Variants in FLCN observed in about 807,000 individuals in gnomAD.
The protein encoded by FLCN is folliculin.
Under a neutral mutation model 62.5 loss-of-function variants are expected in FLCN, and 22 were observed. The ratio of observed to expected loss-of-function variants is 0.35; its 90% CI spans 0.25 to 0.50. The LOEUF (loss-of-function observed/expected upper bound fraction) is 0.50, where lower values mean the gene tolerates loss of function less well. Among genes scored for constraint, FLCN ranks in the 20% least tolerant of loss-of-function variants. The pLI is 0.97. For synonymous variants in FLCN, 319 were observed against 310.0 expected (o/e 1.03, Z -0.30); for missense variants, 657 against 778.0 (o/e 0.84, Z 1.85).
At chr17:17,218,386 CT>C (rs11464784) in intron 9 of FLCN, among the ~76,000 whole-genome samples, 12,989 of 129,734 alleles carry the variant, frequency 0.1, 680 homozygotes, top group African/African-American at 0.21. Context: ...CCATCACTTT[CT>C]TTTTTTTTTT....
At chr17:17,234,981 G>A (rs537187777) in intron 1 of FLCN, among the ~76,000 whole-genome samples, 4 of 152,170 alleles carry the variant, frequency 2.6e-5, no homozygotes, top group Admixed American at 6.5e-5. Context: ...GCATGGTGGC[G>A]GGGGCCTGTA....
intron 4 of FLCN, among the ~76,000 whole-genome samples, chr17:17,227,500 G>C (rs563210277): frequency 1.3e-5 from 2 of 152,276 alleles, no homozygotes; most frequent in South Asian, 4.1e-4. Flanking sequence ...GATCACCTGA[G>C]GTCACGAGTT....
intron 6 of FLCN, among the ~76,000 whole-genome samples, chr17:17,223,471 G>A (rs2047155168): frequency 6.6e-6 from 1 of 152,218 alleles, no homozygotes; most frequent in South Asian, 2.1e-4. Flanking sequence ...CTCCTGCAAT[G>A]CACACACCAT....
At chr17:17,221,744 G>A (rs2047097769) in intron 7 of FLCN, 116 bp from the exon 8 acceptor site, 6 of 1,128,830 alleles carry the variant, frequency 5.3e-6, no homozygotes, top group Non-Finnish European at 7.7e-6. Flanking sequence ...AAGAACACCA[G>A]CAGGGCACAA....
At chr17:17,229,955 T>G (rs1271337476) in intron 3 of FLCN, among the ~76,000 whole-genome samples, 1 of 152,188 alleles carries the variant, frequency 6.6e-6, no homozygotes, top group Non-Finnish European at 1.5e-5. Context: ...CAAGCACTCA[T>G]TGCAGAGGGA....
intron 5 of FLCN, 31 bp downstream of exon 5, chr17:17,226,145 C>T (rs754877513): frequency 8.7e-6 from 14 of 1,613,768 alleles, no homozygotes; most frequent in South Asian, 4.4e-5. Context: ...TGGGCTCCCA[C>T]AGAGACAGGC....
Position 17,227,915 on chromosome 17 carries a change from C to T in FLCN, c.223G>A (p.Gly75Arg), listed in dbSNP as rs1597617348. The T allele has an allele frequency of 7.4e-6, 12 of 1,614,162 alleles. No individual in the cohort carries two copies. The highest frequency in any genetic ancestry group is 1.0e-5 in the Non-Finnish European group (12 of 1,180,030). ...EGASVESSSP[G>R]PKKSDMCEGC... is the part of the protein sequence containing the mutation. ...TCGCACATGTCCGACTTTTTGGGCC[C>T]CGGGCTGCTGGACTCGACGCTGGCC... The change falls in exon 4 of 14, where the codon GGG becomes AGG. Residue 75 changes from glycine to arginine, a missense_variant. Coordinates refer to ENST00000285071, the MANE Select transcript of FLCN (RefSeq NM_144997.7).
chr17:17,221,084 C>T, intron 8 of FLCN: 1 of 1,198,256 alleles, frequency 8.3e-7, no homozygotes, highest in Non-Finnish European at 1.1e-6. Flanking sequence ...AACACAGGGC[C>T]CCAAGCCCCA....
chr17:17,217,227 GTT>G lies in FLCN; in HGVS notation c.1063-47_1063-46del, dbSNP rs760909120. 6.2e-6 allele frequency: 8 copies of G among 1,292,836 alleles called. No homozygotes were observed. In the African/African-American group the frequency reaches 1.2e-4, roughly 19 times the overall value. 80.1% of individuals were successfully genotyped at this position (1,292,836 alleles called of 1,614,324 possible). A position where few individuals can be genotyped will look rare whatever the true frequency, so the allele number is the denominator to read the frequency against. Reference sequence around the variant, plus strand: ...GCTTTCAGCGTGACTAGTAGAAATGGTTTTTCTCTCCCTTCCCATGAAGTTAT... The same window carrying G: ...GCTTTCAGCGTGACTAGTAGAAATGGTTTCTCTCCCTTCCCATGAAGTTAT... On this transcript the variant is annotated intron_variant, in intron 9 of 13. Transcript: ENST00000285071.
chr17:17,221,334 G>A (rs2047077842), intron 8 of FLCN: 1 of 1,563,844 alleles, frequency 6.4e-7, no homozygotes. Context: ...TCTTTCACAT[G>A]GCGGTCAAGG....
In FLCN at chr17:17,222,522, C is replaced by T. The variant is rs779849453; in HGVS notation, c.758G>A (p.Cys253Tyr). The T allele has an allele frequency of 3.1e-6, 5 of 1,614,132 alleles. No homozygotes were observed. The highest frequency in any genetic ancestry group is 1.7e-6 in the Non-Finnish European group (2 of 1,180,054). Residue 253 changes from cysteine to tyrosine, a missense_variant, in exon 7 of 14, where the codon TGC (cysteine) becomes TAC (tyrosine). Physicochemically the swap from Cys to Tyr is radical, Grantham distance 194 (BLOSUM62 -2). Transcript: ENST00000285071. ...SLTSDDNLWA[C>Y]LHTSFAWLLK... ...TTACCAGGCAAAGGAGGTGTGCAGG[C>T]ACGCCCACAGGTTGTCATCACTTGT... is the stretch of plus-strand genomic sequence containing the variant.
intron 9 of FLCN, 124 bp downstream of exon 9, chr17:17,218,895 G>A: frequency 9.0e-7 from 1 of 1,112,744 alleles, no homozygotes; most frequent in East Asian, 2.6e-5. Flanking sequence ...CCACCGAGGA[G>A]GCTGTCAGTC....
At chr17:17,234,092 T>G (rs2047506371) in intron 1 of FLCN, among the ~76,000 whole-genome samples, 1 of 152,006 alleles carries the variant, frequency 6.6e-6, no homozygotes, top group South Asian at 2.1e-4. Context: ...ACCAACTTAC[T>G]TTTCAGGCCA....
rs138381243 is a variant in FLCN, at chr17:17,219,515, C to A, written c.872-306G>T. On this transcript the variant is annotated intron_variant, in intron 8 of 13. Transcript: ENST00000285071. ...CCAACAGCGTGTCTACGGAACACAC[C>A]CAGTCGGCCACAGTTCTCGAGGATC... 1.9e-5 allele frequency: 3 copies of A among 158,968 alleles called. No homozygotes were observed. The East Asian group carries it at 2.9e-4, about 15-fold the overall frequency. The allele number at this position is 158,968 out of a possible 1,614,324, so 9.8% of individuals were successfully genotyped here.
At chr17:17,215,436 A>C in intron 11 of FLCN, 120 bp from the exon 12 acceptor site, 1 of 1,474,446 alleles carries the variant, frequency 6.8e-7, no homozygotes, top group Admixed American at 1.7e-5. Flanking sequence ...TGCTGGTGAA[A>C]AGACTGGCCC....
rs1261633259 is a variant in FLCN, at chr17:17,216,096, A to G, written c.1300+284T>C. Among the ~76,000 whole-genome samples the G allele has an allele frequency of 6.6e-6, 1 of 152,182 alleles. No individual in the cohort carries two copies. The highest frequency in any genetic ancestry group is 1.5e-5 in the Non-Finnish European group (1 of 68,016). Reference sequence around the variant, plus strand: ...TCCATCTCATAGGCACCCAATCACCAGGACGACCAGGATCCTCCGGCCAGG... The same window carrying G: ...TCCATCTCATAGGCACCCAATCACCGGGACGACCAGGATCCTCCGGCCAGG... On this transcript the variant is annotated intron_variant, in intron 11 of 13. Coordinates refer to ENST00000285071, the MANE Select transcript of FLCN (RefSeq NM_144997.7). The surrounding 1 kb of genome is among the most constrained non-coding windows in gnomAD (Gnocchi z 4.0).
intron 9 of FLCN, 168 bp from the exon 10 acceptor site, chr17:17,217,350 G>A (rs1380077905): frequency 3.0e-6 from 2 of 661,798 alleles, no homozygotes. Flanking sequence ...GGGTTAAAGG[G>A]GCAGAGAGAG....
intron 11 of FLCN, 44 bp from the exon 12 acceptor site, chr17:17,215,360 C>G: frequency 6.2e-7 from 1 of 1,612,262 alleles, no homozygotes; most frequent in Non-Finnish European, 8.5e-7. Context: ...CCCCCATGCT[C>G]CTCACCTCCC....
chr17:17,217,095 C>G lies in FLCN; in HGVS notation c.1150G>C (p.Val384Leu). 6.2e-7 allele frequency: 1 copy of G among 1,613,672 alleles called. No homozygotes were observed. Among genetic ancestry groups the G allele is most frequent in the Non-Finnish European group, 8.5e-7 (1 of 1,179,620 alleles). Residue 384 changes from valine (V) to leucine (L), a missense_variant, in exon 10 of 14, where the codon GTC becomes CTC. Coordinates refer to ENST00000285071, the MANE Select transcript of FLCN (RefSeq NM_144997.7). ...VIWKSRDVDL[V>L]QSAFEVLRTM... Reference sequence around the variant, plus strand: ...CGAAGTACTTCAAAAGCTGACTGGACGAGGTCCACGTCTCTGCTTTTCCAG... The same window carrying G: ...CGAAGTACTTCAAAAGCTGACTGGAGGAGGTCCACGTCTCTGCTTTTCCAG...
Sources: allele counts gnomAD v4.1 joint callset (sites outside exome capture counted in the v4.1 genomes callset), GRCh38; gene constraint gnomAD v4.1.1; non-coding constraint Gnocchi (gnomAD v3.1); transcripts MANE v1.5; gene names NCBI Gene and HGNC (gene_info 2026-07-23, HGNC 2026-07-21).